The following ASXL3 variants were observed in gnomAD, a reference collection of about 807,000 sequenced individuals.
ASXL3 encodes ASXL transcriptional regulator 3.
In ASXL3, 34 loss-of-function variants were observed where a neutral mutation model predicts 170.6. The ratio of observed to expected loss-of-function variants is 0.20; its 90% CI spans 0.15 to 0.27. The LOEUF is 0.27. Among genes scored for constraint, ASXL3 ranks in the 10% least tolerant of loss-of-function variants. ASXL3 has a pLI of 1.00. For missense variants in ASXL3, 2,592 were observed against 2,695.3 expected, an observed-to-expected ratio of 0.96 and a Z score of 0.85; for synonymous variants, 1,002 against 989.1, an observed-to-expected ratio of 1.01 and a Z score of -0.24.
At chr18:33,646,205 A>G (rs1166037307) in intron 3 of ASXL3, 40 bp from the exon 4 acceptor site, 6 of 1,525,362 alleles carry the variant, frequency 3.9e-6, no homozygotes, top group Non-Finnish European at 5.4e-6. Flanking sequence ...AGTTGCTAAT[A>G]CATCTTCTCC....
intron 2 of ASXL3, among the ~76,000 whole-genome samples, chr18:33,639,276 A>G (rs938788494): frequency 2.3e-4 from 35 of 152,084 alleles, no homozygotes; most frequent in African/African-American, 8.5e-4. Flanking sequence ...GAGTCAAGGG[A>G]CCTGTGACCT....
chr18:33,740,752 A>ATG (rs1490933300), intron 11 of ASXL3, among the ~76,000 whole-genome samples: 1 of 151,938 alleles, frequency 6.6e-6, no homozygotes, highest in East Asian at 1.9e-4. Context: ...ACAGAGACCT[A>ATG]TGTAAACCTG....
At chr18:33,626,905 G>A (rs2065612178) in intron 2 of ASXL3, 1 of 153,030 alleles carries the variant, frequency 6.5e-6, no homozygotes, top group Admixed American at 6.6e-5. Flanking sequence ...GCGTTGGTGT[G>A]TATGAAGGAT....
In ASXL3 at chr18:33,596,331, G is replaced by A. The variant is rs189293733; in HGVS notation, c.55-11263G>A. Among the ~76,000 whole-genome samples the A allele has an allele frequency of 3.8e-3, 579 of 152,184 alleles. 2 individuals are homozygous for A. The highest frequency in any genetic ancestry group is 6.2e-3 in the Non-Finnish European group (419 of 68,008). On this transcript the variant is annotated intron_variant, in intron 1 of 11. Coordinates refer to ENST00000269197, the MANE Select transcript of ASXL3 (RefSeq NM_030632.3). ...AGTAAATGTCTCCAGCAATGGTAAT[G>A]GCAAATTTTATTGTATTTCATTTTA...
In ASXL3 at chr18:33,740,203, G is replaced by A. The variant is rs115481134; in HGVS notation, c.2799G>A (p.Arg933=). The A allele has an allele frequency of 4.3e-6, 7 of 1,613,874 alleles. No homozygotes were observed. The highest frequency in any genetic ancestry group is 1.3e-5 in the African/African-American group (1 of 75,050). The change falls in exon 11 of 12, where the codon CGG becomes CGA. Residue 933 remains arginine, a synonymous_variant. Transcript: ENST00000269197. ...KTHKQGSTQS[R]LETSHTSKSS... is the part of the protein sequence containing the mutation. ...ATAAGCAAGGGAGTACACAGAGTCG[G>A]TTAGAAACCTCACATACTTCCAAGT...
In ASXL3 at chr18:33,750,805, A is replaced by G. The variant is rs544484930; in HGVS notation, c.*4210A>G. 2 of 152,348 alleles carry G rather than the reference A, an allele frequency of 1.3e-5. No homozygotes were observed. The highest frequency in any genetic ancestry group is 4.1e-4 in the South Asian group (2 of 4,834). The allele number at this position is 152,348 out of a possible 1,614,324, so 9.4% of individuals were successfully genotyped here. A position where few individuals can be genotyped will look rare whatever the true frequency, so the allele number is the denominator to read the frequency against. ...TCAGTCCTCTACCAAAGAATATATTATTCCCACAGGAAAAACTCAGAAAAG... is the reference window on the plus strand; with the variant it reads ...TCAGTCCTCTACCAAAGAATATATTGTTCCCACAGGAAAAACTCAGAAAAG... On this transcript the variant is annotated 3_prime_UTR_variant, in exon 12 of 12. Transcript: ENST00000269197.
In ASXL3 at chr18:33,745,751, A is replaced by T. The variant is rs1318756112; in HGVS notation, c.5903A>T (p.Glu1968Val). The T allele has an allele frequency of 6.2e-7, 1 of 1,613,960 alleles. No homozygotes were observed. The highest frequency in any genetic ancestry group is 8.5e-7 in the Non-Finnish European group (1 of 1,179,876). Residue 1968 changes from glutamate (E) to valine (V), a missense_variant, in exon 12 of 12, where the codon GAA becomes GTA. Physicochemically the swap from Glu to Val is moderately radical, Grantham distance 121 (BLOSUM62 -2). Transcript: ENST00000269197. ...GCATTTGCCTTCAACAGGCATCTTG[A>T]ACAGAAGGGATTGGGAGAGGTTAGT... Reference protein sequence around the residue: ...CNAFAFNRHLEQKGLGEVSLS... With the variant: ...CNAFAFNRHLVQKGLGEVSLS...
chr18:33,616,272 C>T (rs1028405484), intron 2 of ASXL3, among the ~76,000 whole-genome samples: 5 of 152,042 alleles, frequency 3.3e-5, no homozygotes, highest in Non-Finnish European at 7.4e-5. Context: ...CCTTTATAGT[C>T]AAACATCTGA....
intron 8 of ASXL3, among the ~76,000 whole-genome samples, chr18:33,688,630 A>G (rs1379410702): frequency 6.6e-6 from 1 of 152,238 alleles, no homozygotes; most frequent in Non-Finnish European, 1.5e-5. Flanking sequence ...TAACAAATCC[A>G]TGAGAGATCA....
At chr18:33,693,431 T>C (rs2066718982) in intron 8 of ASXL3, among the ~76,000 whole-genome samples, 1 of 152,108 alleles carries the variant, frequency 6.6e-6, no homozygotes, top group African/African-American at 2.4e-5. Context: ...GAAAAAAGTA[T>C]TGATTTCTGA....
At chr18:33,622,566 C>T (rs1340608183) in intron 2 of ASXL3, among the ~76,000 whole-genome samples, 3 of 152,192 alleles carry the variant, frequency 2.0e-5, no homozygotes, top group African/African-American at 7.2e-5. Flanking sequence ...GTTCACTTTG[C>T]ATGTTGCAGT....
At chr18:33,612,365 G>T (rs1182047850) in intron 2 of ASXL3, among the ~76,000 whole-genome samples, 1 of 151,988 alleles carries the variant, frequency 6.6e-6, no homozygotes, top group Non-Finnish European at 1.5e-5. Flanking sequence ...ATATATTCCA[G>T]TAGGGACATT....
intron 8 of ASXL3, among the ~76,000 whole-genome samples, chr18:33,720,500 A>G (rs2067241175): frequency 6.6e-6 from 1 of 152,114 alleles, no homozygotes; most frequent in Non-Finnish European, 1.5e-5. Context: ...CTACACACAG[A>G]GGGAACATTA....
chr18:33,649,985 G>C (rs545310927), intron 4 of ASXL3, among the ~76,000 whole-genome samples: 1 of 152,012 alleles, frequency 6.6e-6, no homozygotes. Flanking sequence ...TGGCATCAGC[G>C]GCTGAAATTC....
At chr18:33,734,610 A>G (rs2067514123) in intron 10 of ASXL3, among the ~76,000 whole-genome samples, 195 bp downstream of exon 10, 2 of 152,312 alleles carry the variant, frequency 1.3e-5, no homozygotes, top group East Asian at 3.9e-4. Flanking sequence ...TGCATTTTCA[A>G]GGGTTTATAA....
intron 8 of ASXL3, among the ~76,000 whole-genome samples, chr18:33,698,622 T>G (rs1227520423): frequency 6.6e-6 from 1 of 152,064 alleles, no homozygotes; most frequent in Non-Finnish European, 1.5e-5. Context: ...GGGCTTAAGA[T>G]GAAAGTCTGA....
chr18:33,684,731 CTG>C (rs1234447916), intron 8 of ASXL3, among the ~76,000 whole-genome samples: 1 of 152,000 alleles, frequency 6.6e-6, no homozygotes, highest in African/African-American at 2.4e-5. Flanking sequence ...GATACATAAA[CTG>C]TATTTGTAAA....
intron 8 of ASXL3, among the ~76,000 whole-genome samples, chr18:33,696,263 T>G (rs1041580745): frequency 6.6e-6 from 1 of 152,158 alleles, no homozygotes; most frequent in Admixed American, 6.6e-5. Flanking sequence ...GTTGTAAAAT[T>G]TGTTAAAGTT....
At chr18:33,685,876 A>G (rs960904089) in intron 8 of ASXL3, among the ~76,000 whole-genome samples, 1 of 152,174 alleles carries the variant, frequency 6.6e-6, no homozygotes. Context: ...TTCATGAGAG[A>G]TCTGCCCCCA....
Sources: allele counts gnomAD v4.1 joint callset (sites outside exome capture counted in the v4.1 genomes callset), GRCh38; gene constraint gnomAD v4.1.1; transcripts MANE v1.5; gene names NCBI Gene and HGNC (gene_info 2026-07-23, HGNC 2026-07-21).